ANKMY1: variants seen among roughly 807,000 people sequenced by gnomAD.
The protein encoded by ANKMY1 is ankyrin repeat and MYND domain-containing protein 1.
ANKMY1 carries 98 observed loss-of-function variants against 102.0 expected under a neutral mutation model. The observed-to-expected ratio is 0.96, with a 90% confidence interval of 0.82 to 1.14. The LOEUF is 1.14. Ranked by LOEUF, ANKMY1 falls within the 50% of genes most tolerant of loss-of-function variation. The probability of loss-of-function intolerance (pLI) is 0.00; values close to 1 mark genes in which losing one functional copy is unlikely to be tolerated. For missense variants in ANKMY1, 1,330 were observed against 1,347.6 expected, an observed-to-expected ratio of 0.99 and a Z score of 0.20; for synonymous variants, 582 against 559.9, an observed-to-expected ratio of 1.04 and a Z score of -0.56.
chr2:240,512,840 T>G lies in ANKMY1; in HGVS notation c.2107A>C (p.Lys703Gln), dbSNP rs760285224. ...TAAGTGTCGTCCTCGTCGGATGCCT[T>G]GGCGTCCACATCGGTGATGGCATGC... is the stretch of plus-strand genomic sequence containing the variant. ...LLHAITDVDA[K>Q]ASDEDDTYKP... Residue 703 changes from lysine (K) to glutamine (Q), a missense_variant, in exon 10 of 18, where the codon AAG (lysine) becomes CAG (glutamine). Coordinates refer to ENST00000401804, the MANE Select transcript of ANKMY1 (RefSeq NM_001282771.3). The G allele has an allele frequency of 1.3e-5, 21 of 1,614,064 alleles. No individual in the cohort carries two copies. Among genetic ancestry groups the G allele is most frequent in the Non-Finnish European group, 1.8e-5 (21 of 1,179,994 alleles).
chr2:240,481,071 T>G lies in ANKMY1; in HGVS notation c.2912A>C (p.Gln971Pro). Reference sequence around the variant, plus strand: ...GCGGACCCCGATGGAGCGGCCACACTGGTAGCAGAACTTGAAGAAGGGAAT... The same window carrying G: ...GCGGACCCCGATGGAGCGGCCACACGGGTAGCAGAACTTGAAGAAGGGAAT... ...GQIPFFKFCY[Q>P]CGRSIGVRLL... Residue 971 changes from glutamine (Q) to proline (P), a missense_variant, in exon 17 of 18, where the codon CAG becomes CCG. By Grantham distance (76) the Gln-to-Pro change is moderately conservative. Coordinates refer to ENST00000401804, the MANE Select transcript of ANKMY1 (RefSeq NM_001282771.3). 1 of 1,612,074 alleles carries G rather than the reference T, an allele frequency of 6.2e-7. No individual in the cohort carries two copies. The highest frequency in any genetic ancestry group is 8.5e-7 in the Non-Finnish European group (1 of 1,178,484).
At chr2:240,551,155 T>G (rs1448356684) in intron 4 of ANKMY1, among the ~76,000 whole-genome samples, 3 of 151,498 alleles carry the variant, frequency 2.0e-5, no homozygotes, top group African/African-American at 4.8e-5. Flanking sequence ...TTTTTATGTT[T>G]TTTTTTTTTT....
At chr2:240,547,562 A>G (rs1472770730) in intron 4 of ANKMY1, among the ~76,000 whole-genome samples, 2 of 145,968 alleles carry the variant, frequency 1.4e-5, no homozygotes, top group Admixed American at 1.4e-4. Context: ...CAAAAAATTA[A>G]TGAATCCAGG....
At chr2:240,486,390 G>T (rs2076063843) in intron 15 of ANKMY1, among the ~76,000 whole-genome samples, 1 of 151,888 alleles carries the variant, frequency 6.6e-6, no homozygotes, top group Non-Finnish European at 1.5e-5. Context: ...TTTTTAAATT[G>T]CTTTTAAAGT....
chr2:240,480,265 A>G (rs1231583326), intron 17 of ANKMY1, among the ~76,000 whole-genome samples: 2 of 152,190 alleles, frequency 1.3e-5, no homozygotes, highest in Non-Finnish European at 2.9e-5. Context: ...GCACAGGCCT[A>G]AGGGGGCAGG....
intron 15 of ANKMY1, among the ~76,000 whole-genome samples, chr2:240,495,998 G>C (rs1281375265): frequency 6.6e-6 from 1 of 152,140 alleles, no homozygotes; most frequent in Non-Finnish European, 1.5e-5. Flanking sequence ...ACACTGCTCT[G>C]GTTCTACTAA....
At chr2:240,472,297 A>ACGCGGGGAGGCAGGCCTACC in the ANKMY1 span, among the ~76,000 whole-genome samples, 1 of 131,432 alleles carries the variant, frequency 7.6e-6, no homozygotes, top group Non-Finnish European at 1.6e-5. Context: ...ACCAATCTAC[A>ACGCGGGGAGGCAGGCCTACC]ACTGCACAGG....
chr2:240,545,258 C>T (rs1249951411), intron 4 of ANKMY1, among the ~76,000 whole-genome samples: 1 of 152,226 alleles, frequency 6.6e-6, no homozygotes, highest in African/African-American at 2.4e-5. Flanking sequence ...AGACTGACAC[C>T]TCACAGGGCC....
chr2:240,556,126 T>A (rs570898847), intron 2 of ANKMY1, among the ~76,000 whole-genome samples: 16 of 152,220 alleles, frequency 1.1e-4, no homozygotes, highest in African/African-American at 3.6e-4. Context: ...ACTCATCCCA[T>A]CATGGGCTCC....
intron 14 of ANKMY1, 94 bp downstream of exon 14, chr2:240,500,357 GC>G: frequency 7.4e-7 from 1 of 1,350,226 alleles, no homozygotes; most frequent in Non-Finnish European, 1.0e-6. Flanking sequence ...GGAACCTTGA[GC>G]CCAGCTTTGC....
intron 4 of ANKMY1, among the ~76,000 whole-genome samples, chr2:240,550,429 G>A (rs1383024253): frequency 1.3e-5 from 2 of 150,950 alleles, no homozygotes; most frequent in Non-Finnish European, 2.9e-5. Flanking sequence ...CGAGTTAGTG[G>A]GTGCAGCATA....
chr2:240,552,837 C>G, intron 4 of ANKMY1, 77 bp downstream of exon 4: 1 of 1,602,940 alleles, frequency 6.2e-7, no homozygotes, highest in Non-Finnish European at 8.5e-7. Flanking sequence ...TCCCCAGGAC[C>G]GAAATATCTT....
intron 16 of ANKMY1, among the ~76,000 whole-genome samples, chr2:240,481,411 G>A (rs1174046669): frequency 1.3e-5 from 2 of 152,222 alleles, no homozygotes. Flanking sequence ...CCACACACAC[G>A]ATGGTGCGGA....
chr2:240,526,697 T>C, intron 5 of ANKMY1: 1 of 1,399,828 alleles, frequency 7.1e-7, no homozygotes, highest in Middle Eastern at 2.7e-4. Flanking sequence ...CCGACAGGAA[T>C]GTGCTGGCTG....
At chr2:240,474,263 T>A in the ANKMY1 span, among the ~76,000 whole-genome samples, 1 of 15,246 alleles carries the variant, frequency 6.6e-5, no homozygotes, top group African/African-American at 3.8e-4. Context: ...GCCTGGCTAA[T>A]TTTTTTTTTT....
Position 240,525,812 on chromosome 2 carries a change from T to C in ANKMY1, c.1208A>G (p.Asp403Gly), listed in dbSNP as rs779099853. 1.2e-6 allele frequency: 2 copies of C among 1,614,018 alleles called. No individual in the cohort carries two copies. Among genetic ancestry groups the C allele is most frequent in the Admixed American group, 3.3e-5 (2 of 60,016 alleles). The change falls in exon 7 of 18, where the codon GAC (aspartate) becomes GGC (glycine). Residue 403 changes from aspartate to glycine, a missense_variant. By Grantham distance (94) the Asp-to-Gly change is moderately conservative. Transcript: ENST00000401804. The part of the protein sequence containing the change: ...CHNDIVNLLL[D>G]CGADVNKCSD... Reference sequence around the variant, plus strand: ...GCACTTGTTCACGTCGGCCCCACAGTCCAGGAGAAGGTTGACAATGTCGTT... The same window carrying C: ...GCACTTGTTCACGTCGGCCCCACAGCCCAGGAGAAGGTTGACAATGTCGTT...
In ANKMY1 at chr2:240,511,966, A is replaced by G. The variant is rs2152215559; in HGVS notation, c.2181T>C (p.Asn727=). 1.1e-5 allele frequency: 17 copies of G among 1,563,248 alleles called. No individual in the cohort carries two copies. Among genetic ancestry groups the G allele is most frequent in the Non-Finnish European group, 1.5e-5 (17 of 1,163,444 alleles). The change falls in exon 11 of 18, where the codon AAT becomes AAC. Residue 727 remains asparagine, a synonymous_variant. Transcript: ENST00000401804. ...AGTAGGCTTGGGGAGGGCCTGGCTC[A>G]TTGCTGAGCTTCAGACTTGAGGGCA... ...DLLPSSLKLS[N]EPGPPQAYYS... is the part of the protein sequence containing the mutation.
At chr2:240,500,186 C>G in intron 14 of ANKMY1, 63 bp from the exon 15 acceptor site, 2 of 1,486,212 alleles carry the variant, frequency 1.3e-6, no homozygotes, top group Non-Finnish European at 1.8e-6. Context: ...TGGGGTGACT[C>G]TCGGTGATCG....
chr2:240,556,541 ACT>A (rs906225193), intron 2 of ANKMY1, among the ~76,000 whole-genome samples: 1 of 152,142 alleles, frequency 6.6e-6, no homozygotes, highest in Non-Finnish European at 1.5e-5. Context: ...CCACCCTTTC[ACT>A]GTTTCGCCCT....
Sources: allele counts gnomAD v4.1 joint callset (sites outside exome capture counted in the v4.1 genomes callset), GRCh38; gene constraint gnomAD v4.1.1; transcripts MANE v1.5; gene names NCBI Gene and HGNC (gene_info 2026-07-23, HGNC 2026-07-21).